The following SH3BP5 variants were observed in gnomAD, a reference collection of about 807,000 sequenced individuals.
SH3BP5 encodes SH3 domain-binding protein 5.
A neutral mutation model predicts 43.3 loss-of-function variants in SH3BP5; 22 were observed. That is an observed-to-expected ratio of 0.51 (90% CI 0.36 to 0.73). The LOEUF (loss-of-function observed/expected upper bound fraction) is 0.73, where lower values mean the gene tolerates loss of function less well. Ranked by LOEUF, SH3BP5 falls within the 30% of genes least tolerant of loss-of-function variation. The pLI is 0.00. For synonymous variants in SH3BP5, 255 were observed against 225.8 expected (o/e 1.13, Z -1.16); for missense variants, 529 against 586.9 (o/e 0.90, Z 1.02).
chr3:15,271,355 C>A (rs1339250424), intron 3 of SH3BP5, among the ~76,000 whole-genome samples: 1 of 152,036 alleles, frequency 6.6e-6, no homozygotes, highest in African/African-American at 2.4e-5. Flanking sequence ...ACAATGAGCC[C>A]CTGCTTCTTA....
chr3:15,280,494 A>G (rs1468830048), intron 3 of SH3BP5, among the ~76,000 whole-genome samples: 4 of 152,072 alleles, frequency 2.6e-5, no homozygotes, highest in Non-Finnish European at 4.4e-5. Flanking sequence ...ATGTAGACCA[A>G]TTGTTTTATT....
chr3:15,277,514 G>C (rs1697006051), intron 3 of SH3BP5, among the ~76,000 whole-genome samples: 1 of 152,138 alleles, frequency 6.6e-6, no homozygotes, highest in African/African-American at 2.4e-5. Context: ...TCCCCAACCA[G>C]AGTCCCGAAA....
chr3:15,288,575 T>C (rs545663569), intron 3 of SH3BP5, among the ~76,000 whole-genome samples: 11 of 152,238 alleles, frequency 7.2e-5, no homozygotes, highest in Admixed American at 6.5e-4. Context: ...CTGTGGAACA[T>C]GGTGAAAACC....
At chr3:15,330,682 A>C in intron 1 of SH3BP5, 116 bp from the exon 2 acceptor site, 1 of 1,408,820 alleles carries the variant, frequency 7.1e-7, no homozygotes, top group South Asian at 1.6e-5. Context: ...AAAGGGAAGA[A>C]TCAGAATTAA....
In SH3BP5 at chr3:15,332,438, G is replaced by A. The variant is rs1374196655; in HGVS notation, c.-30C>T. ...GCAGCCGGCACGCGCGCCGCGCAGT[G>A]GGCTCCGGAGCGCCCCGGGGGTCGC... On this transcript the variant is annotated 5_prime_UTR_variant, in exon 1 of 9. Coordinates refer to ENST00000383791, the MANE Select transcript of SH3BP5 (RefSeq NM_004844.5). The A allele has an allele frequency of 1.3e-6, 2 of 1,510,836 alleles. No individual in the cohort carries two copies. Among genetic ancestry groups the A allele is most frequent in the Non-Finnish European group, 1.8e-6 (2 of 1,135,102 alleles). 93.6% of individuals were successfully genotyped at this position (1,510,836 alleles called of 1,614,324 possible). A position where few individuals can be genotyped will look rare whatever the true frequency, so the allele number is the denominator to read the frequency against.
intron 3 of SH3BP5, among the ~76,000 whole-genome samples, chr3:15,286,915 G>A (rs1470697727): frequency 2.0e-5 from 3 of 152,172 alleles, no homozygotes; most frequent in African/African-American, 4.8e-5. Flanking sequence ...ATGAAGATGC[G>A]GAAAGGATAA....
chr3:15,272,970 A>G (rs973325350), intron 3 of SH3BP5: 2 of 163,388 alleles, frequency 1.2e-5, no homozygotes, highest in African/African-American at 5.1e-5. Flanking sequence ...TCGTGCCTCC[A>G]GGCCCATTAG....
chr3:15,338,296 C>T (rs1047059167), intron 1 of SH3BP5, among the ~76,000 whole-genome samples: 9 of 152,142 alleles, frequency 5.9e-5, no homozygotes, highest in Non-Finnish European at 8.8e-5. Flanking sequence ...TGAACCAAGA[C>T]TACACTACTG....
chr3:15,258,652 C>T, intron 7 of SH3BP5, 179 bp downstream of exon 7: 3 of 588,580 alleles, frequency 5.1e-6, no homozygotes, highest in Non-Finnish European at 9.0e-6. Flanking sequence ...CTTTGAGGAA[C>T]ACTTAGTACC....
intron 2 of SH3BP5, among the ~76,000 whole-genome samples, chr3:15,321,237 G>A (rs1258597444): frequency 6.6e-6 from 1 of 152,158 alleles, no homozygotes; most frequent in African/African-American, 2.4e-5. Context: ...TATTTGGAAT[G>A]TTTTCCATTA....
intron 2 of SH3BP5, among the ~76,000 whole-genome samples, chr3:15,310,494 C>T (rs1698027052): frequency 6.6e-6 from 1 of 152,114 alleles, no homozygotes; most frequent in Non-Finnish European, 1.5e-5. Context: ...ATGTGTTTTC[C>T]AAGATCAGAG....
chr3:15,263,956 GCT>G (rs1279444764), intron 4 of SH3BP5, among the ~76,000 whole-genome samples: 1 of 152,172 alleles, frequency 6.6e-6, no homozygotes, highest in Non-Finnish European at 1.5e-5. Context: ...TCACTAGTCA[GCT>G]CTCTCAGACC....
At chr3:15,321,093 T>C (rs1187595696) in intron 2 of SH3BP5, among the ~76,000 whole-genome samples, 1 of 152,232 alleles carries the variant, frequency 6.6e-6, no homozygotes, top group Non-Finnish European at 1.5e-5. Context: ...TGGCCACTAA[T>C]AGCATTTTGC....
At chr3:15,318,191 T>C (rs1698229979) in intron 2 of SH3BP5, among the ~76,000 whole-genome samples, 1 of 152,172 alleles carries the variant, frequency 6.6e-6, no homozygotes, top group Non-Finnish European at 1.5e-5. Flanking sequence ...TAATAACCTT[T>C]CACAAAATAG....
Position 15,300,204 on chromosome 3 carries a change from CTGT to C in SH3BP5, c.330+3896_330+3898del, listed in dbSNP as rs200017324. Among the ~76,000 whole-genome samples the C allele has an allele frequency of 8.2e-3, 1,240 of 151,934 alleles. 8 individuals are homozygous for C. Among genetic ancestry groups the C allele is most frequent in the Non-Finnish European group, 0.011 (763 of 68,000 alleles). On this transcript the variant is annotated intron_variant, in intron 3 of 8. Transcript: ENST00000383791. ...GAGAAGGTACTAGGATTATTTTCTT[CTGT>C]CTATTTTCTAAATTTTCTACAATAA...
At chr3:15,329,189 G>A (rs1034241406) in intron 2 of SH3BP5, among the ~76,000 whole-genome samples, 3 of 152,192 alleles carry the variant, frequency 2.0e-5, no homozygotes, top group East Asian at 3.9e-4. Context: ...ATAGCCATAC[G>A]TTGCACATGG....
chr3:15,276,613 C>A (rs1026395950), intron 3 of SH3BP5, among the ~76,000 whole-genome samples: 3 of 152,134 alleles, frequency 2.0e-5, no homozygotes, highest in African/African-American at 7.2e-5. Context: ...AAGCCTTACG[C>A]GGGTCCAGCT....
intron 4 of SH3BP5, among the ~76,000 whole-genome samples, chr3:15,268,490 C>T (rs1254415799): frequency 6.6e-6 from 1 of 152,122 alleles, no homozygotes; most frequent in Non-Finnish European, 1.5e-5. Context: ...CAAACCAGCC[C>T]TACACTCGTT....
At chr3:15,336,923 G>A (rs1042364053), upstream of SH3BP5, among the ~76,000 whole-genome samples, 1 of 151,882 alleles carries the variant, frequency 6.6e-6, no homozygotes, top group African/African-American at 2.4e-5. Flanking sequence ...ACTCCCTCAC[G>A]CTTCTCCCCG....
Sources: gnomAD v4.1 joint callset for allele counts (sites outside exome capture counted in the v4.1 genomes callset) on GRCh38, gnomAD v4.1.1 for gene constraint, MANE v1.5 for transcripts, NCBI Gene and HGNC (gene_info 2026-07-23, HGNC 2026-07-21) for gene names.